DNAH10: variants seen among roughly 807,000 people sequenced by gnomAD.
DNAH10 encodes dynein axonemal heavy chain 10.
A neutral mutation model predicts 506.6 loss-of-function variants in DNAH10; 348 were observed. The ratio of observed to expected loss-of-function variants is 0.69; its 90% CI spans 0.63 to 0.75. DNAH10 has a LOEUF of 0.75. DNAH10 is among the 30% of genes least tolerant of loss of function. DNAH10 has a pLI of 0.00. For missense variants in DNAH10, 5,179 were observed against 5,787.1 expected, an observed-to-expected ratio of 0.89 and a Z score of 3.41; for synonymous variants, 2,059 against 2,198.6, an observed-to-expected ratio of 0.94 and a Z score of 1.78.
intron 25 of DNAH10, among the ~76,000 whole-genome samples, chr12:123,828,227 G>C (rs1383800105): frequency 6.6e-6 from 1 of 151,620 alleles, no homozygotes; most frequent in Non-Finnish European, 1.5e-5. Context: ...CTCTGAGCCA[G>C]AGACCTTCGC....
intron 39 of DNAH10, among the ~76,000 whole-genome samples, chr12:123,861,823 C>T (rs1221276971): frequency 1.3e-5 from 2 of 152,224 alleles, no homozygotes; most frequent in African/African-American, 4.8e-5. Flanking sequence ...AACAAGAGTC[C>T]AAAGTCCCAA....
At position 123,921,691 on chromosome 12, in the gene DNAH10, G is replaced by GTTTTTT. The variant is rs35553163; in HGVS notation, c.11507-2037_11507-2032dup. On this transcript the variant is annotated intron_variant, in intron 65 of 78. Coordinates refer to ENST00000673944, the MANE Select transcript of DNAH10 (RefSeq NM_001372106.1). The stretch of plus-strand genomic sequence containing the variant: ...CTTGTCCATCTGTCTGTAGCTTGCA[G>GTTTTTT]TTTTTTTTTTTTTTTTTTTTTTTTT... Among the ~76,000 whole-genome samples, 76 of 62,882 alleles carry GTTTTTT rather than the reference G, an allele frequency of 1.2e-3. 9 individuals are homozygous for GTTTTTT. The highest frequency in any genetic ancestry group is 1.5e-3 in the Non-Finnish European group (52 of 35,180). The allele number at this position is 62,882 out of a possible 152,430, so 41.3% of individuals were successfully genotyped here. A position where few individuals can be genotyped will look rare whatever the true frequency, so the allele number is the denominator to read the frequency against.
At chr12:123,788,381 C>T (rs1400520417) in intron 10 of DNAH10, among the ~76,000 whole-genome samples, 2 of 152,166 alleles carry the variant, frequency 1.3e-5, no homozygotes, top group Non-Finnish European at 2.9e-5. Flanking sequence ...CCAGTCTTCC[C>T]AGAGCTCCAC....
At chr12:123,865,103 A>G (rs1448845658) in intron 40 of DNAH10, among the ~76,000 whole-genome samples, 1 of 152,236 alleles carries the variant, frequency 6.6e-6, no homozygotes, top group Non-Finnish European at 1.5e-5. Flanking sequence ...GGTTAACAGT[A>G]GATAATGTTT....
chr12:123,877,150 G>A (rs1033654442), intron 47 of DNAH10, among the ~76,000 whole-genome samples: 2 of 152,102 alleles, frequency 1.3e-5, no homozygotes, highest in African/African-American at 2.4e-5. Context: ...CCCAGGAACC[G>A]TGACTCTACC....
chr12:123,800,173 C>G, intron 14 of DNAH10, 43 bp from the exon 15 acceptor site: 1 of 1,593,028 alleles, frequency 6.3e-7, no homozygotes. Flanking sequence ...CCAACTGTCT[C>G]TTGGACTGCC....
rs905653687 is a variant in DNAH10 at position 123,914,213 on chromosome 12, A to G, written c.10353-116A>G. On this transcript the variant is annotated intron_variant, in intron 60 of 78. Coordinates refer to ENST00000673944, the MANE Select transcript of DNAH10 (RefSeq NM_001372106.1). ...TCACAAGGAAAGAATATCTCAAAAC[A>G]TGTTTCCATCTGGCTAGCCCTGTTA... 4.2e-5 allele frequency: 38 copies of G among 897,632 alleles called. No individual in the cohort carries two copies. The African/African-American group carries it at 6.1e-4, about 14-fold the overall frequency. 55.6% of individuals were successfully genotyped at this position (897,632 alleles called of 1,614,324 possible). A position where few individuals can be genotyped will look rare whatever the true frequency, so the allele number is the denominator to read the frequency against.
rs529184846 is a variant in DNAH10, at chr12:123,926,869, G to C, written c.12105+49G>C. 51 of 1,596,436 alleles carry C rather than the reference G, an allele frequency of 3.2e-5. No individual in the cohort carries two copies. Among genetic ancestry groups the C allele is most frequent in the Non-Finnish European group, 4.0e-5 (47 of 1,174,350 alleles). ...AGCTCTACGTTTAGGGGAGGTCCCT[G>C]GTGTCTGCTAAGAAGGAGCTAACCT... On this transcript the variant is annotated intron_variant, in intron 69 of 78. Transcript: ENST00000673944. This position sits in a 1 kb window ranked among gnomAD's most constrained non-coding sequence, Gnocchi z 4.1.
Position 123,841,448 on chromosome 12 carries a change from G to C in DNAH10, c.5263G>C (p.Val1755Leu), listed in dbSNP as rs369082437. The C allele has an allele frequency of 1.5e-5, 25 of 1,613,890 alleles. 1 individual carries two copies. In the South Asian group the frequency reaches 2.6e-4, roughly 17 times the overall value. Reference sequence around the variant, plus strand: ...GAAGATCTTGCGGGCTGAAGGGCGCGTGGAGGACTGGATGACGGCAGTTTT... The same window carrying C: ...GAAGATCTTGCGGGCTGAAGGGCGCCTGGAGGACTGGATGACGGCAGTTTT... ...FRKILRAEGR[V>L]EDWMTAVLNE... Residue 1755 changes from valine (V) to leucine (L), a missense_variant, in exon 30 of 79, where the codon GTG (valine) becomes CTG (leucine). Coordinates refer to ENST00000673944, the MANE Select transcript of DNAH10 (RefSeq NM_001372106.1).
chr12:123,925,054 A>T lies in DNAH10; in HGVS notation c.11771A>T (p.Tyr3924Phe). 1.9e-6 allele frequency: 3 copies of T among 1,613,984 alleles called. No homozygotes were observed. Among genetic ancestry groups the T allele is most frequent in the Non-Finnish European group, 2.5e-6 (3 of 1,179,870 alleles). Residue 3924 changes from tyrosine to phenylalanine, a missense_variant, in exon 68 of 79, where the codon TAT becomes TTT. Tyr to Phe is a conservative substitution (Grantham distance 22). This residue lies in a region of DNAH10 where 4,844 missense variants were observed against 5,430.5 expected (regional missense o/e 0.89). Coordinates refer to ENST00000673944, the MANE Select transcript of DNAH10 (RefSeq NM_001372106.1). This position sits in a 1 kb window ranked among gnomAD's most constrained non-coding sequence, Gnocchi z 4.0. The stretch of plus-strand genomic sequence containing the variant: ...AATATTCTTTGCTTTTCCCAGTGGT[A>T]TGACCTGGATTCACTGGAGCAGTTT... ...ENNQTVWQEW[Y>F]DLDSLEQFPV...
At chr12:123,856,216 A>G (rs961337736) in intron 36 of DNAH10, among the ~76,000 whole-genome samples, 1 of 147,642 alleles carries the variant, frequency 6.8e-6, no homozygotes, top group Non-Finnish European at 1.5e-5. Context: ...AATTTAATTT[A>G]TATAAAATTG....
intron 72 of DNAH10, chr12:123,929,984 C>T: frequency 1.7e-6 from 1 of 601,892 alleles, no homozygotes; most frequent in Non-Finnish European, 2.9e-6. Context: ...GGGATCCAGG[C>T]AAGGCATCCT....
At chr12:123,828,920 G>C (rs1158670799) in intron 25 of DNAH10, among the ~76,000 whole-genome samples, 1 of 152,178 alleles carries the variant, frequency 6.6e-6, no homozygotes, top group Non-Finnish European at 1.5e-5. Flanking sequence ...GAACTGGAGA[G>C]GGAATCACTC....
intron 42 of DNAH10, 116 bp from the exon 43 acceptor site, chr12:123,867,787 A>G (rs901232770): frequency 7.5e-7 from 1 of 1,332,800 alleles, no homozygotes; most frequent in Non-Finnish European, 1.0e-6. Context: ...CTGAACCAAC[A>G]TGTTGGGTCT....
intron 45 of DNAH10, 21 bp from the exon 46 acceptor site, chr12:123,873,537 C>T (rs778375858): frequency 2.5e-6 from 4 of 1,585,946 alleles, no homozygotes; most frequent in Non-Finnish European, 3.4e-6. Context: ...TGGCTTTTCA[C>T]ATCATCTCTT....
At chr12:123,876,936 G>A (rs1009695337) in intron 47 of DNAH10, among the ~76,000 whole-genome samples, 4 of 152,142 alleles carry the variant, frequency 2.6e-5, no homozygotes, top group African/African-American at 4.8e-5. Context: ...CTCCAGTCTG[G>A]GAAACAGAGC....
At chr12:123,814,521 G>A (rs1959068208) in intron 21 of DNAH10, among the ~76,000 whole-genome samples, 1 of 151,984 alleles carries the variant, frequency 6.6e-6, no homozygotes, top group Non-Finnish European at 1.5e-5. Context: ...CAATAGAAAT[G>A]CTGAAAGACA....
Position 123,929,456 on chromosome 12 carries a change from A to C in DNAH10, c.12488A>C (p.Tyr4163Ser). The C allele has an allele frequency of 6.2e-7, 1 of 1,613,612 alleles. No individual in the cohort carries two copies. Among genetic ancestry groups the C allele is most frequent in the Non-Finnish European group, 8.5e-7 (1 of 1,179,790 alleles). ...TTTGGGAAGATTGGCTGGAACGTGT[A>C]CTATGACTTCAATGAGTCTGACTTC... ...RKFGKIGWNV[Y>S]YDFNESDFQV... The change falls in exon 71 of 79, where the codon TAC becomes TCC. Residue 4163 changes from tyrosine to serine, a missense_variant. Physicochemically the swap from Tyr to Ser is moderately radical, Grantham distance 144 (BLOSUM62 -2). This residue lies in a region of DNAH10 where 4,844 missense variants were observed against 5,430.5 expected (regional missense o/e 0.89). Transcript: ENST00000673944.
Position 123,931,437 on chromosome 12 carries a change from T to C in DNAH10, c.12881T>C (p.Met4294Thr), listed in dbSNP as rs1460664774. The change falls in exon 74 of 79, where the codon ATG becomes ACG. Residue 4294 changes from methionine to threonine, a missense_variant. Transcript: ENST00000673944. Reference sequence around the variant, plus strand: ...TATTACACGCAGGCGGCTCGAGACATGTGGGCTCACCTGCTGGAGCTGCAG... The same window carrying C: ...TATTACACGCAGGCGGCTCGAGACACGTGGGCTCACCTGCTGGAGCTGCAG... The part of the protein sequence containing the change: ...IGYYTQAARD[M>T]WAHLLELQPQ... 2 of 1,613,962 alleles carry C rather than the reference T, an allele frequency of 1.2e-6. No individual in the cohort carries two copies. The highest frequency in any genetic ancestry group is 1.7e-6 in the Non-Finnish European group (2 of 1,179,874).
Sources: allele counts gnomAD v4.1 joint callset (sites outside exome capture counted in the v4.1 genomes callset), GRCh38; gene constraint gnomAD v4.1.1; regional missense constraint gnomAD v4.1.1; non-coding constraint Gnocchi (gnomAD v3.1); transcripts MANE v1.5; gene names NCBI Gene and HGNC (gene_info 2026-07-23, HGNC 2026-07-21).